MARK2: variants seen among roughly 807,000 people sequenced by gnomAD.
The protein encoded by MARK2 is microtubule affinity regulating kinase 2, also known as serine/threonine-protein kinase MARK2.
MARK2 carries 16 observed loss-of-function variants against 89.8 expected under a neutral mutation model. That is an observed-to-expected ratio of 0.18 (90% CI 0.12 to 0.27). The LOEUF is 0.27. MARK2 is among the 10% of genes least tolerant of loss of function. The pLI is 1.00. For missense variants in MARK2, 621 were observed against 1,049.9 expected (o/e 0.59, Z 5.65); for synonymous variants, 382 against 399.5 (o/e 0.96, Z 0.52).
At chr11:63,901,155 C>A in intron 11 of MARK2, 86 bp downstream of exon 11, 2 of 873,544 alleles carry the variant, frequency 2.3e-6, no homozygotes, top group Non-Finnish European at 3.8e-6. Context: ...AGGGCAGAAG[C>A]TCATCTCTGA....
At chr11:63,887,410 T>G (rs1246245535) in intron 1 of MARK2, among the ~76,000 whole-genome samples, 1 of 152,206 alleles carries the variant, frequency 6.6e-6, no homozygotes, top group Non-Finnish European at 1.5e-5. Context: ...GGTCTGTGTT[T>G]GGAGAAAACA....
chr11:63,895,286 A>G lies in MARK2; in HGVS notation c.182A>G (p.Lys61Arg), dbSNP rs1343319522. The G allele has an allele frequency of 6.2e-7, 1 of 1,614,138 alleles. No individual in the cohort carries two copies. Among genetic ancestry groups the G allele is most frequent in the Non-Finnish European group, 8.5e-7 (1 of 1,180,028 alleles). The part of the protein sequence containing the change: ...GNYRLLKTIG[K>R]GNFAKVKLAR... ...TACCGGCTCCTCAAGACCATTGGCA[A>G]GGGTAATTTTGCCAAGGTGAAGTTG... is the stretch of plus-strand genomic sequence containing the variant. Residue 61 changes from lysine (K) to arginine (R), a missense_variant, in exon 2 of 19, where the codon AAG becomes AGG. Coordinates refer to ENST00000402010, the MANE Select transcript of MARK2 (RefSeq NM_001039469.3).
chr11:63,863,464 A>AC (rs1198834189), intron 1 of MARK2, among the ~76,000 whole-genome samples: 2 of 25,052 alleles, frequency 8.0e-5, no homozygotes, highest in African/African-American at 1.5e-4. Flanking sequence ...CCCACCCCCC[A>AC]CCCCCCCACT....
At chr11:63,854,573 G>A (rs1275858384) in intron 1 of MARK2, among the ~76,000 whole-genome samples, 1 of 151,448 alleles carries the variant, frequency 6.6e-6, no homozygotes, top group African/African-American at 2.4e-5. Context: ...AGTGACTCAC[G>A]CCTGTAATCC....
chr11:63,889,226 C>T (rs1222488716), intron 1 of MARK2, among the ~76,000 whole-genome samples: 2 of 152,140 alleles, frequency 1.3e-5, no homozygotes, highest in African/African-American at 4.8e-5. Context: ...CCTGAGGCCT[C>T]AGAGAGGATG....
rs193286673 is a variant in MARK2, at chr11:63,872,504, G to C, written c.55-22655G>C. Among the ~76,000 whole-genome samples the C allele has an allele frequency of 1.1e-4, 17 of 152,242 alleles. No homozygotes were observed. The East Asian group carries it at 3.1e-3, about 28-fold the overall frequency. On this transcript the variant is annotated intron_variant, in intron 1 of 18. Coordinates refer to ENST00000402010, the MANE Select transcript of MARK2 (RefSeq NM_001039469.3). ...TTCACTTCTGACTCCATAGGCTGTC[G>C]TCTCCTGCCAGGGAGTGAGTTTTGT...
rs1263143339 is a variant in MARK2 at position 63,875,120 on chromosome 11, T to A, written c.55-20039T>A. On this transcript the variant is annotated intron_variant, in intron 1 of 18. Coordinates refer to ENST00000402010, the MANE Select transcript of MARK2 (RefSeq NM_001039469.3). ...TGCATGCCACCATGCCCAGCTAATTTTTTTTTTTTTTTTTTTTTGAGGTAG... is the reference window on the plus strand; with the variant it reads ...TGCATGCCACCATGCCCAGCTAATTATTTTTTTTTTTTTTTTTTGAGGTAG... 3.4e-5 allele frequency among the ~76,000 whole-genome samples: 5 copies of A among 147,090 alleles called. No homozygotes were observed. In the East Asian group the frequency reaches 9.8e-4, roughly 29 times the overall value.
intron 1 of MARK2, 42 bp downstream of exon 1, chr11:63,839,602 C>G (rs1402934006): frequency 1.5e-6 from 2 of 1,307,278 alleles, no homozygotes; most frequent in South Asian, 1.3e-5. Context: ...TGGCTGGGCC[C>G]TTTGCACCTT....
chr11:63,903,056 C>A lies in MARK2; in HGVS notation c.1417-5C>A. 1 of 1,613,436 alleles carries A rather than the reference C, an allele frequency of 6.2e-7. No homozygotes were observed. Among genetic ancestry groups the A allele is most frequent in the South Asian group, 1.1e-5 (1 of 91,062 alleles). On this transcript the variant is annotated splice_region_variant and splice_polypyrimidine_tract_variant and intron_variant, in intron 13 of 18. Coordinates refer to ENST00000402010, the MANE Select transcript of MARK2 (RefSeq NM_001039469.3). The surrounding 1 kb of genome is among the most constrained non-coding windows in gnomAD (Gnocchi z 5.1). ...GATAGAACGCTTGCCCTTTATTCCC[C>A]ACAGAACAGCGTCCTCTCCACCAGC...
At chr11:63,899,477 G>T (rs1014820690) in intron 7 of MARK2, among the ~76,000 whole-genome samples, 3 of 152,116 alleles carry the variant, frequency 2.0e-5, no homozygotes, top group Non-Finnish European at 1.5e-5. Context: ...AAGTTCCACA[G>T]CTGTATCCCA....
chr11:63,907,161 A>G (rs778266984), intron 17 of MARK2, among the ~76,000 whole-genome samples: 14 of 152,134 alleles, frequency 9.2e-5, no homozygotes, highest in Admixed American at 3.9e-4. Flanking sequence ...CTGCATTGGG[A>G]CTGGGATGCC....
chr11:63,891,610 C>G (rs776388798), intron 1 of MARK2, among the ~76,000 whole-genome samples: 1 of 152,220 alleles, frequency 6.6e-6, no homozygotes, highest in East Asian at 1.9e-4. Flanking sequence ...ACTTAGAGAC[C>G]GTCACACTTC....
In MARK2 at chr11:63,866,312, A is replaced by G. The variant is rs144661265; in HGVS notation, c.54+26752A>G. On this transcript the variant is annotated intron_variant, in intron 1 of 18. Transcript: ENST00000402010. ...GGTTGCAGTGAGCAGAGATTGTGCC[A>G]CTTTACTCCAGCCTGGGCAATAAAG... 2.7e-5 allele frequency among the ~76,000 whole-genome samples: 4 copies of G among 150,346 alleles called. No homozygotes were observed. The East Asian group carries it at 7.8e-4, about 29-fold the overall frequency.
In MARK2 at chr11:63,904,115, C is replaced by A. The variant is rs999498552; in HGVS notation, c.1644C>A (p.Pro548=). ...CCAACAAGGCCTCTGGGCTGCCCCC[C>A]ACGGAGAGTAACTGTGAGGTGCCGC... is the stretch of plus-strand genomic sequence containing the variant. ...VHPNKASGLP[P]TESNCEVPRP... is the part of the protein sequence containing the mutation. Residue 548 remains proline, a synonymous_variant, in exon 15 of 19, where the codon CCC becomes CCA. Transcript: ENST00000402010. The surrounding 1 kb of genome is among the most constrained non-coding windows in gnomAD (Gnocchi z 6.3). 11 of 1,597,898 alleles carry A rather than the reference C, an allele frequency of 6.9e-6. No homozygotes were observed. The highest frequency in any genetic ancestry group is 6.8e-5 in the Admixed American group (4 of 58,628).
At chr11:63,895,743 C>A in intron 3 of MARK2, 110 bp downstream of exon 3, 1 of 946,172 alleles carries the variant, frequency 1.1e-6, no homozygotes, top group South Asian at 1.4e-5. Context: ...GATCTCGGCT[C>A]ACTGCAACCT....
At chr11:63,896,246 T>A (rs916807106) in intron 3 of MARK2, among the ~76,000 whole-genome samples, 14 of 152,234 alleles carry the variant, frequency 9.2e-5, no homozygotes, top group African/African-American at 3.4e-4. Context: ...CTGCATCTTG[T>A]TATCTTCTGG....
chr11:63,901,424 T>G (rs1431652552), intron 11 of MARK2, among the ~76,000 whole-genome samples: 1 of 150,198 alleles, frequency 6.7e-6, no homozygotes, highest in African/African-American at 2.5e-5. Flanking sequence ...CATTTCTGGG[T>G]GTGTGTGTGT....
At chr11:63,888,668 C>G in intron 1 of MARK2, 4 of 1,177,936 alleles carry the variant, frequency 3.4e-6, no homozygotes, top group Non-Finnish European at 4.3e-6. Context: ...GGGGCTTTGT[C>G]CCTGTTGCTC....
In MARK2 at chr11:63,889,387, A is replaced by G. The variant is rs572579785; in HGVS notation, c.55-5772A>G. Among the ~76,000 whole-genome samples, 10 of 152,340 alleles carry G rather than the reference A, an allele frequency of 6.6e-5. No individual in the cohort carries two copies. In the East Asian group the frequency reaches 1.7e-3, roughly 26 times the overall value. ...ACCCCTCCTGGTTTGGCTCCTTCTC[A>G]GCCCTCGGGAAGCCAAAGGACACTT... On this transcript the variant is annotated intron_variant, in intron 1 of 18. Transcript: ENST00000402010.
Sources: allele counts gnomAD v4.1 joint callset (sites outside exome capture counted in the v4.1 genomes callset), GRCh38; gene constraint gnomAD v4.1.1; non-coding constraint Gnocchi (gnomAD v3.1); transcripts MANE v1.5; gene names NCBI Gene and HGNC (gene_info 2026-07-23, HGNC 2026-07-21).